Variants in DYNLT2B observed in about 807,000 individuals in gnomAD.
DYNLT2B encodes dynein light chain Tctex-type 2B.
DYNLT2B carries 14 observed loss-of-function variants against 19.5 expected under a neutral mutation model. The ratio of observed to expected loss-of-function variants is 0.72; its 90% CI spans 0.47 to 1.12. The LOEUF (loss-of-function observed/expected upper bound fraction) is 1.12, where lower values mean the gene tolerates loss of function less well. Ranked by LOEUF, DYNLT2B falls within the 50% of genes most tolerant of loss-of-function variation. The pLI, the probability that DYNLT2B is intolerant of heterozygous loss-of-function variation, is 0.00. For synonymous variants in DYNLT2B, 70 were observed against 59.7 expected, an observed-to-expected ratio of 1.17 and a Z score of -0.79; for missense variants, 133 against 174.7, an observed-to-expected ratio of 0.76 and a Z score of 1.35.
In DYNLT2B at chr3:196,309,822, G is replaced by A. The variant is rs149754616; in HGVS notation, c.248-2810C>T. On this transcript the variant is annotated intron_variant, in intron 2 of 4. Transcript: ENST00000325318. ...ACATTAGCAGGGCGTGGTGGTGCAC[G>A]CCTGTAATCCCAGCTACTTGGGAGG... 5.3e-3 allele frequency among the ~76,000 whole-genome samples: 799 copies of A among 151,584 alleles called. 5 individuals carry two copies. Among genetic ancestry groups the A allele is most frequent in the African/African-American group, 0.018 (748 of 41,444 alleles).
At chr3:196,309,973 G>GA (rs998546013) in intron 2 of DYNLT2B, among the ~76,000 whole-genome samples, 62 of 150,180 alleles carry the variant, frequency 4.1e-4, no homozygotes, top group African/African-American at 1.1e-3. Context: ...AGAAAAGAAA[G>GA]AAAAAAATCA....
At chr3:196,316,890 A>ACTGTGTGTGT (rs1553842753) in intron 1 of DYNLT2B, among the ~76,000 whole-genome samples, 2 of 74,198 alleles carry the variant, frequency 2.7e-5, no homozygotes, top group Non-Finnish European at 5.5e-5. Flanking sequence ...CATTTTTTTC[A>ACTGTGTGTGT]GTGTGTGTGT....
In DYNLT2B at chr3:196,318,136, C is replaced by G; in HGVS notation, c.17G>C (p.Gly6Ala). The change falls in exon 1 of 5, where the codon GGA becomes GCA. Residue 6 changes from glycine (G) to alanine (A), a missense_variant. Transcript: ENST00000325318. MATSI[G>A]VSFSVGDGVP... ...CCCGTCGCCCACCGAGAAGGACACT[C>G]CGATGGACGTGGCCATGCCGGGGCT... 1 of 1,544,148 alleles carries G rather than the reference C, an allele frequency of 6.5e-7. No individual in the cohort carries two copies. The highest frequency in any genetic ancestry group is 8.7e-7 in the Non-Finnish European group (1 of 1,152,502).
chr3:196,291,315 T>G lies in DYNLT2B; in HGVS notation c.*12A>C. The G allele has an allele frequency of 6.2e-7, 1 of 1,603,812 alleles. No homozygotes were observed. Among genetic ancestry groups the G allele is most frequent in the Non-Finnish European group, 8.5e-7 (1 of 1,176,464 alleles). On this transcript the variant is annotated 3_prime_UTR_variant, in exon 5 of 5. Coordinates refer to ENST00000325318, the MANE Select transcript of DYNLT2B (RefSeq NM_152773.5). ...CATGGTCATGTCTTTTACCAGCTTT[T>G]CAAAGATTCATTCAGTAGTAGAAAC... is the stretch of plus-strand genomic sequence containing the variant.
In DYNLT2B at chr3:196,291,382, A is replaced by G. The variant is rs1560184363; in HGVS notation, c.382-8T>C. ...AACGCAGAATAAACTGTCCTAAAAAATAAATACAACACACACACACATCCA... is the reference window on the plus strand; with the variant it reads ...AACGCAGAATAAACTGTCCTAAAAAGTAAATACAACACACACACACATCCA... On this transcript the variant is annotated splice_polypyrimidine_tract_variant and splice_region_variant and intron_variant, in intron 4 of 4. Transcript: ENST00000325318. The G allele has an allele frequency of 1.4e-5, 23 of 1,609,662 alleles. No homozygotes were observed. Among genetic ancestry groups the G allele is most frequent in the Non-Finnish European group, 2.0e-5 (23 of 1,178,188 alleles).
intron 3 of DYNLT2B, among the ~76,000 whole-genome samples, chr3:196,299,708 G>C (rs1226951544): frequency 6.6e-6 from 1 of 151,754 alleles, no homozygotes; most frequent in South Asian, 2.1e-4. Context: ...GAGGCAGGCG[G>C]ATCACGAGGT....
chr3:196,304,066 G>A (rs1040639911), intron 3 of DYNLT2B, among the ~76,000 whole-genome samples: 23 of 152,052 alleles, frequency 1.5e-4, no homozygotes, highest in African/African-American at 5.1e-4. Flanking sequence ...AACTGGGTGT[G>A]GAGTATACGC....
intron 3 of DYNLT2B, among the ~76,000 whole-genome samples, chr3:196,299,528 G>A (rs180741689): frequency 1.2e-4 from 18 of 152,192 alleles, no homozygotes; most frequent in African/African-American, 2.4e-4. Context: ...CAGCAGAGTC[G>A]GCAGTCTTAA....
At chr3:196,306,697 C>T (rs978648368) in intron 3 of DYNLT2B, among the ~76,000 whole-genome samples, 3 of 152,048 alleles carry the variant, frequency 2.0e-5, no homozygotes, top group Non-Finnish European at 4.4e-5. Flanking sequence ...TACAAGCGCA[C>T]GCCATCACAC....
At chr3:196,299,084 T>C (rs2108791699) in intron 3 of DYNLT2B, among the ~76,000 whole-genome samples, 1 of 149,960 alleles carries the variant, frequency 6.7e-6, no homozygotes, top group Admixed American at 6.7e-5. Context: ...GCTAATTTTT[T>C]TTTTTCTTTT....
intron 3 of DYNLT2B, among the ~76,000 whole-genome samples, chr3:196,306,247 CAAAA>C (rs112341100): frequency 1.9e-5 from 2 of 104,576 alleles, no homozygotes; most frequent in Non-Finnish European, 4.0e-5. Flanking sequence ...CCCATCTCTG[CAAAA>C]AAAAAAAAAA....
At chr3:196,303,656 G>C (rs1726412780) in intron 3 of DYNLT2B, among the ~76,000 whole-genome samples, 1 of 152,016 alleles carries the variant, frequency 6.6e-6, no homozygotes, top group Non-Finnish European at 1.5e-5. Flanking sequence ...CCTCAAAAAA[G>C]TCAAGGTGAT....
chr3:196,317,959 C>G (rs889707041), intron 1 of DYNLT2B, 81 bp downstream of exon 1: 2 of 807,110 alleles, frequency 2.5e-6, no homozygotes, highest in African/African-American at 1.8e-5. Context: ...GCGCTCCTTC[C>G]GTGGCCCAGG....
chr3:196,293,887 C>T (rs1726156017), intron 4 of DYNLT2B, among the ~76,000 whole-genome samples: 1 of 150,920 alleles, frequency 6.6e-6, no homozygotes, highest in South Asian at 2.1e-4. Flanking sequence ...TCATGATCCG[C>T]CCGCCTCGGC....
intron 3 of DYNLT2B, among the ~76,000 whole-genome samples, chr3:196,296,575 T>A (rs1333765971): frequency 7.3e-5 from 11 of 151,484 alleles, no homozygotes; most frequent in African/African-American, 2.7e-4. Context: ...CTGCAATTCT[T>A]GGATAAGAAA....
rs575155713 is a variant in DYNLT2B, at chr3:196,291,291, A to G, written c.*36T>C. On this transcript the variant is annotated 3_prime_UTR_variant, in exon 5 of 5. Transcript: ENST00000325318. Reference sequence around the variant, plus strand: ...AATATTAAAAAGTTCAGATTTCTTCATGGTCATGTCTTTTACCAGCTTTTC... The same window carrying G: ...AATATTAAAAAGTTCAGATTTCTTCGTGGTCATGTCTTTTACCAGCTTTTC... 1.9e-6 allele frequency: 3 copies of G among 1,580,650 alleles called. No individual in the cohort carries two copies. The East Asian group carries it at 6.8e-5, about 36-fold the overall frequency.
chr3:196,315,122 C>T, intron 2 of DYNLT2B: 1 of 368,906 alleles, frequency 2.7e-6, no homozygotes, highest in South Asian at 2.0e-5. Flanking sequence ...ACTCTTTTCC[C>T]CCATCTGCAA....
intron 2 of DYNLT2B, chr3:196,315,281 G>C (rs77096858): frequency 3.5e-6 from 1 of 285,956 alleles, no homozygotes; most frequent in Non-Finnish European, 6.5e-6. Flanking sequence ...TTTTTTTTTT[G>C]AGACAGAGTC....
chr3:196,295,007 G>C (rs1726187431), intron 4 of DYNLT2B, among the ~76,000 whole-genome samples: 1 of 152,066 alleles, frequency 6.6e-6, no homozygotes, highest in Non-Finnish European at 1.5e-5. Context: ...CTCCCAAAGT[G>C]CTGAGATTAC....
Sources: allele counts gnomAD v4.1 joint callset (sites outside exome capture counted in the v4.1 genomes callset), GRCh38; gene constraint gnomAD v4.1.1; transcripts MANE v1.5; gene names NCBI Gene and HGNC (gene_info 2026-07-23, HGNC 2026-07-21).